The following SOD2 variants were observed in gnomAD, a reference collection of about 807,000 sequenced individuals.
SOD2 encodes superoxide dismutase [Mn], mitochondrial.
A neutral mutation model predicts 27.0 loss-of-function variants in SOD2; 11 were observed. That is an observed-to-expected ratio of 0.41 (90% confidence interval 0.26 to 0.67). SOD2 has a LOEUF of 0.67. SOD2 is among the 30% of genes least tolerant of loss of function. SOD2 has a pLI of 0.34. For missense variants in SOD2, 250 were observed against 274.5 expected, an observed-to-expected ratio of 0.91 and a Z score of 0.63; for synonymous variants, 105 against 103.0, an observed-to-expected ratio of 1.02 and a Z score of -0.12.
chr6:159,693,292 G>C (rs1344753368), upstream of SOD2: 10 of 756,104 alleles, frequency 1.3e-5, no homozygotes, highest in Non-Finnish European at 2.0e-5. Context: ...GAGCAGGGCC[G>C]CGACCCCAGC....
chr6:159,731,687 C>T (rs367980277), upstream of SOD2, among the ~76,000 whole-genome samples: 6 of 152,064 alleles, frequency 3.9e-5, no homozygotes, highest in East Asian at 5.8e-4. Context: ...CATTTTGTGC[C>T]AGTTACCATG....
chr6:159,753,931 G>C (rs962995652), intron 1 of SOD2, among the ~76,000 whole-genome samples: 1 of 152,204 alleles, frequency 6.6e-6, no homozygotes, highest in Admixed American at 6.5e-5. Context: ...TTCATTGTTT[G>C]AAAGGGAGAA....
chr6:159,700,167 T>C (rs113826584), intron 1 of SOD2, among the ~76,000 whole-genome samples: 292 of 152,336 alleles, frequency 1.9e-3, no homozygotes, highest in African/African-American at 6.8e-3. Flanking sequence ...CAGTTAGATG[T>C]GGACAAAACA....
rs1583079235 is a variant in SOD2 at position 159,738,915 on chromosome 6, T to G, written c.-116+6215A>C. On this transcript the variant is annotated intron_variant, in intron 1 of 3. Transcript: ENST00000537657. ...CCGTTTAAATCTCACACTTGGGAGA[T>G]GTTTCATAGGTCTCATTATAGAACT... The G allele has an allele frequency of 2.8e-6, 3 of 1,059,184 alleles. No individual in the cohort carries two copies. In the East Asian group the frequency reaches 7.5e-5, roughly 27 times the overall value. 65.6% of individuals were successfully genotyped at this position (1,059,184 alleles called of 1,614,324 possible). A position where few individuals can be genotyped will look rare whatever the true frequency, so the allele number is the denominator to read the frequency against.
At chr6:159,700,517 G>A (rs1479014202) in intron 1 of SOD2, among the ~76,000 whole-genome samples, 1 of 152,026 alleles carries the variant, frequency 6.6e-6, no homozygotes, top group Non-Finnish European at 1.5e-5. Context: ...AGCTGGGTGT[G>A]GTGGCAGGCG....
chr6:159,756,975 T>C (rs1475123), intron 1 of SOD2, among the ~76,000 whole-genome samples: 118,054 of 152,024 alleles, frequency 0.78, 46,132 homozygotes, highest in South Asian at 0.85. Flanking sequence ...TCTTTGTAGT[T>C]AGTGATGTTT....
chr6:159,755,765 CTTTTTTT>C lies in SOD2; in HGVS notation c.-336+5265_-336+5271del. On this transcript the variant is annotated intron_variant, in intron 1 of 7. Transcript: ENST00000546087. The stretch of plus-strand genomic sequence containing the variant: ...TTTTTCTTTGTTTTTTTTTTCTTTT[CTTTTTTT>C]TTTTTTTTTTTTTTTTTTGCTTCAA... 423 of 173,276 alleles carry C rather than the reference CTTTTTTT, an allele frequency of 2.4e-3. 1 individual carries two copies. The highest frequency in any genetic ancestry group is 0.02 in the African/African-American group (231 of 11,434). The allele number at this position is 173,276 out of a possible 1,614,324, so 10.7% of individuals were successfully genotyped here.
At chr6:159,732,884 A>AGTGTGTGTGTGTGTGTG (rs1562452316) in intron 1 of SOD2, among the ~76,000 whole-genome samples, 1 of 83,486 alleles carries the variant, frequency 1.2e-5, no homozygotes, top group African/African-American at 5.6e-5. Flanking sequence ...GTATATATAT[A>AGTGTGTGTGTGTGTGTG]TAGTGTGTGT....
At chr6:159,762,200 G>T in exon 1 of SOD2, 1 of 1,560,670 alleles carries the variant, frequency 6.4e-7, no homozygotes, top group Middle Eastern at 1.9e-4. Context: ...CGGCAGGAGC[G>T]CCGAGGGCCG....
At chr6:159,713,296 A>T in intron 1 of SOD2, 1 of 665,176 alleles carries the variant, frequency 1.5e-6, no homozygotes, top group South Asian at 1.9e-5. Context: ...CACCATAGGG[A>T]CCCTGCCTCA....
rs980695211 is a variant in SOD2, at chr6:159,736,347, CT to C, written c.-116+8782del. The C allele has an allele frequency of 1.3e-5, 18 of 1,375,686 alleles. No homozygotes were observed. The African/African-American group carries it at 1.3e-4, about 10-fold the overall frequency. 85.2% of individuals were successfully genotyped at this position (1,375,686 alleles called of 1,614,324 possible). Reference sequence around the variant, plus strand: ...TGTTTTGTTTTGGGTTTTTTGGGGGCTTTTTTAAGCACTTTAAAAAAAAATA... The same window carrying C: ...TGTTTTGTTTTGGGTTTTTTGGGGGCTTTTTAAGCACTTTAAAAAAAAATA... On this transcript the variant is annotated intron_variant, in intron 1 of 3. Coordinates refer to the SOD2 transcript ENST00000537657.
At chr6:159,712,785 C>A in intron 1 of SOD2, 1 of 517,514 alleles carries the variant, frequency 1.9e-6, no homozygotes, top group Non-Finnish European at 3.8e-6. Context: ...AGCTGCATAA[C>A]TAGACTGGTT....
At position 159,753,632 on chromosome 6, in the gene SOD2, T is replaced by C. The variant is rs41267781; in HGVS notation, c.-335-4956A>G. The C allele has an allele frequency of 1.1e-3, 1,760 of 1,587,378 alleles. 2 individuals carry two copies. The highest frequency in any genetic ancestry group is 1.4e-3 in the Non-Finnish European group (1,644 of 1,167,280). ...TCAGGATGGTAAGGGGTTTGTTTCT[T>C]TTTGGAACGTTGTCTCAACTTTGCA... On this transcript the variant is annotated intron_variant, in intron 1 of 7. Coordinates refer to the SOD2 transcript ENST00000546087.
intron 1 of SOD2, among the ~76,000 whole-genome samples, chr6:159,752,669 AC>A (rs981253267): frequency 1.3e-5 from 2 of 152,002 alleles, no homozygotes; most frequent in Admixed American, 6.6e-5. Context: ...TAAAAAAAAA[AC>A]CTTAACTGCT....
intron 1 of SOD2, among the ~76,000 whole-genome samples, chr6:159,701,671 G>C (rs1222293682): frequency 6.6e-6 from 1 of 152,088 alleles, no homozygotes; most frequent in Non-Finnish European, 1.5e-5. Flanking sequence ...GGCAATAAAG[G>C]AATATCACTT....
intron 1 of SOD2, among the ~76,000 whole-genome samples, chr6:159,704,445 A>G (rs1777583447): frequency 6.6e-6 from 1 of 152,170 alleles, no homozygotes; most frequent in Non-Finnish European, 1.5e-5. Context: ...CGCTTTTCCA[A>G]TGGTCTTAGC....
At position 159,672,639 on chromosome 6, in the gene SOD2, T is replaced by A. The variant is rs933821686; in HGVS notation, c.*9854A>T. ...ACCAGTATCAGCCACTGCAAAAACA[T>A]GCCAAATTGTAAAGACCATTGAGGC... On this transcript the variant is annotated 3_prime_UTR_variant, in exon 5 of 5. Transcript: ENST00000538183. 1.3e-5 allele frequency: 2 copies of A among 152,170 alleles called. No individual in the cohort carries two copies. The highest frequency in any genetic ancestry group is 4.1e-4 in the South Asian group (2 of 4,834). 9.4% of individuals were successfully genotyped at this position (152,170 alleles called of 1,614,324 possible).
intron 1 of SOD2, among the ~76,000 whole-genome samples, chr6:159,715,667 A>C (rs1777911108): frequency 6.6e-6 from 1 of 152,206 alleles, no homozygotes; most frequent in Non-Finnish European, 1.5e-5. Flanking sequence ...TGGGAGGTCA[A>C]GGTGGGAGAA....
chr6:159,719,719 T>C (rs1234761349), intron 1 of SOD2, among the ~76,000 whole-genome samples: 2 of 98,060 alleles, frequency 2.0e-5, no homozygotes, highest in African/African-American at 3.6e-5. Flanking sequence ...TTATGGTTTT[T>C]TCTTTTATTT....
Sources: allele counts gnomAD v4.1 joint callset (sites outside exome capture counted in the v4.1 genomes callset), GRCh38; gene constraint gnomAD v4.1.1; transcripts MANE v1.5; gene names NCBI Gene and HGNC (gene_info 2026-07-23, HGNC 2026-07-21).